KMT2C: variants seen among roughly 807,000 people sequenced by gnomAD.
The protein encoded by KMT2C is histone-lysine N-methyltransferase 2C.
In KMT2C, 88 loss-of-function variants were observed where a neutral mutation model predicts 507.9. The ratio of observed to expected loss-of-function variants is 0.17; its 90% CI spans 0.15 to 0.21. KMT2C has a LOEUF of 0.21. KMT2C is among the 10% of genes least tolerant of loss of function. KMT2C has a pLI of 1.00. For missense variants in KMT2C, 4,954 were observed against 5,957.8 expected (o/e 0.83, Z 5.55); for synonymous variants, 2,049 against 2,080.8 (o/e 0.98, Z 0.42).
chr7:152,358,759 ATT>A, intron 1 of KMT2C, 84 bp from the exon 2 acceptor site: 4 of 821,188 alleles, frequency 4.9e-6, no homozygotes, highest in Non-Finnish European at 6.0e-6. Flanking sequence ...ATAAGGCACA[ATT>A]TGAAGGTATA....
At chr7:152,282,770 A>G (rs549647433) in intron 6 of KMT2C, among the ~76,000 whole-genome samples, 1,889 of 150,650 alleles carry the variant, frequency 0.013, 19 homozygotes, top group Non-Finnish European at 0.02. Context: ...ATACGTTCTA[A>G]TATTTGGGGT....
chr7:152,400,683 A>G lies in KMT2C; in HGVS notation c.161+34943T>C, dbSNP rs115983789. Among the ~76,000 whole-genome samples, 1,317 of 152,358 alleles carry G rather than the reference A, an allele frequency of 8.6e-3. 21 individuals carry two copies. The highest frequency in any genetic ancestry group is 0.031 in the African/African-American group (1,270 of 41,576). On this transcript the variant is annotated intron_variant, in intron 1 of 58. Transcript: ENST00000262189. ...TTTTACAGATAAGCAAGGATTCAAAACTTTATTTCTCACATATTCTTTCTT... is the reference window on the plus strand; with the variant it reads ...TTTTACAGATAAGCAAGGATTCAAAGCTTTATTTCTCACATATTCTTTCTT...
At chr7:152,145,944 T>C (rs2129093752) in intron 53 of KMT2C, among the ~76,000 whole-genome samples, 2 of 152,330 alleles carry the variant, frequency 1.3e-5, no homozygotes, top group Non-Finnish European at 2.9e-5. Flanking sequence ...GGCAGGGCGA[T>C]TCCAAAGAAA....
Position 152,163,733 on chromosome 7 carries a change from G to C in KMT2C, c.9844C>G (p.Pro3282Ala). Residue 3282 changes from proline to alanine, a missense_variant, in exon 43 of 59, where the codon CCC becomes GCC. Pro to Ala is a conservative substitution (Grantham distance 27). Transcript: ENST00000262189. ...AGGGGTGGCTGGGGCTGGACACTGG[G>C]CATCATGGTAGGTGGGGCCATTGCA... ...QCAMAPPTMM[P>A]SVQPQPPLIP... is the part of the protein sequence containing the mutation. 6.2e-7 allele frequency: 1 copy of C among 1,614,166 alleles called. No individual in the cohort carries two copies. The highest frequency in any genetic ancestry group is 1.7e-4 in the Middle Eastern group (1 of 6,058).
chr7:152,252,479 G>T, intron 10 of KMT2C, 67 bp downstream of exon 10: 1 of 1,288,178 alleles, frequency 7.8e-7, no homozygotes, highest in Non-Finnish European at 1.1e-6. Context: ...CTGTAAGATG[G>T]TAGAGCAAAT....
In KMT2C at chr7:152,155,890, G is replaced by C; in HGVS notation, c.11960+20C>G. On this transcript the variant is annotated intron_variant, in intron 46 of 58. Transcript: ENST00000262189. Reference sequence around the variant, plus strand: ...AAGAAGAAATAACTAAGAATTATTTGAGAAAAAAATAACCTGTACCTTAAT... The same window carrying C: ...AAGAAGAAATAACTAAGAATTATTTCAGAAAAAAATAACCTGTACCTTAAT... The C allele has an allele frequency of 6.4e-7, 1 of 1,572,470 alleles. No homozygotes were observed. Among genetic ancestry groups the C allele is most frequent in the Non-Finnish European group, 8.6e-7 (1 of 1,168,380 alleles).
intron 40 of KMT2C, among the ~76,000 whole-genome samples, chr7:152,169,464 C>T (rs2092866791): frequency 6.6e-6 from 1 of 152,134 alleles, no homozygotes; most frequent in Admixed American, 6.5e-5. Context: ...ACTATACTGT[C>T]TAGATTTTGG....
intron 14 of KMT2C, among the ~76,000 whole-genome samples, chr7:152,243,695 G>A (rs548879150): frequency 6.6e-5 from 10 of 152,276 alleles, no homozygotes; most frequent in South Asian, 4.2e-4. Context: ...TGAGACAGGA[G>A]AACTGCTTGA....
chr7:152,390,365 A>G (rs1258767091), intron 1 of KMT2C, among the ~76,000 whole-genome samples: 2 of 152,308 alleles, frequency 1.3e-5, no homozygotes, highest in Non-Finnish European at 2.9e-5. Flanking sequence ...GATATTTTAA[A>G]TTTTTACCAG....
At chr7:152,225,540 G>A (rs1017159469) in intron 18 of KMT2C, among the ~76,000 whole-genome samples, 4 of 152,160 alleles carry the variant, frequency 2.6e-5, no homozygotes, top group Admixed American at 6.5e-5. Flanking sequence ...GACAGAACAC[G>A]TTGTAGACAC....
chr7:152,367,743 G>T, intron 1 of KMT2C: 1 of 1,087,184 alleles, frequency 9.2e-7, no homozygotes, highest in Non-Finnish European at 1.4e-6. Flanking sequence ...GCCTCTTATC[G>T]ATTACATTGA....
chr7:152,347,237 G>C (rs1308526376), intron 2 of KMT2C, among the ~76,000 whole-genome samples: 1 of 152,186 alleles, frequency 6.6e-6, no homozygotes, highest in Non-Finnish European at 1.5e-5. Context: ...CTGAAATAGT[G>C]GGCAACCTCA....
At position 152,252,096 on chromosome 7, in the gene KMT2C, G is replaced by C; in HGVS notation, c.1470-6C>G. On this transcript the variant is annotated splice_polypyrimidine_tract_variant and splice_region_variant and intron_variant, in intron 10 of 58. Coordinates refer to ENST00000262189, the MANE Select transcript of KMT2C (RefSeq NM_170606.3). ...CACACTCTAGGTGAACCCACCTGCA[G>C]TGATAAGTATACTTAAATAAAAATT... 1 of 1,589,054 alleles carries C rather than the reference G, an allele frequency of 6.3e-7. No individual in the cohort carries two copies. Among genetic ancestry groups the C allele is most frequent in the Non-Finnish European group, 8.6e-7 (1 of 1,166,498 alleles).
At chr7:152,188,339 G>C (rs1178766661) in intron 31 of KMT2C, among the ~76,000 whole-genome samples, 1 of 151,998 alleles carries the variant, frequency 6.6e-6, no homozygotes, top group Admixed American at 6.6e-5. Context: ...GTTAGAAGCA[G>C]AATCAATTTC....
intron 51 of KMT2C, among the ~76,000 whole-genome samples, chr7:152,150,169 G>A (rs767933250): frequency 4.6e-5 from 7 of 152,064 alleles, no homozygotes; most frequent in Non-Finnish European, 1.0e-4. Flanking sequence ...ACCATTAGTT[G>A]GACACACTCA....
intron 1 of KMT2C, among the ~76,000 whole-genome samples, chr7:152,431,220 T>C (rs769943529): frequency 6.6e-6 from 1 of 152,204 alleles, no homozygotes; most frequent in Non-Finnish European, 1.5e-5. Flanking sequence ...AGTTTACATA[T>C]TAGTAACTAA....
At chr7:152,266,632 G>C (rs1374259141) in intron 7 of KMT2C, among the ~76,000 whole-genome samples, 1 of 152,292 alleles carries the variant, frequency 6.6e-6, no homozygotes, top group Non-Finnish European at 1.5e-5. Flanking sequence ...TCTTGAAACA[G>C]AGTAAAAATA....
chr7:152,315,001 G>C, intron 4 of KMT2C, 137 bp downstream of exon 4: 1 of 684,920 alleles, frequency 1.5e-6, no homozygotes. Flanking sequence ...TGGTGAGTCA[G>C]AGTATCCCAT....
At chr7:152,417,057 A>G (rs1275985859) in intron 1 of KMT2C, among the ~76,000 whole-genome samples, 1 of 151,768 alleles carries the variant, frequency 6.6e-6, no homozygotes, top group Non-Finnish European at 1.5e-5. Context: ...TCAAAAAAAA[A>G]AAAAAAAAAA....
Sources: allele counts gnomAD v4.1 joint callset (sites outside exome capture counted in the v4.1 genomes callset), GRCh38; gene constraint gnomAD v4.1.1; transcripts MANE v1.5; gene names NCBI Gene and HGNC (gene_info 2026-07-23, HGNC 2026-07-21).